TRAPPC9: variants seen among roughly 807,000 people sequenced by gnomAD.
TRAPPC9 encodes IKK2 binding protein.
Under a neutral mutation model 124.0 loss-of-function variants are expected in TRAPPC9, and 83 were observed. That is an observed-to-expected ratio of 0.67 (90% CI 0.56 to 0.80). The LOEUF is 0.80. TRAPPC9 is among the 30% of genes least tolerant of loss of function. TRAPPC9 has a pLI of 0.00. For missense variants in TRAPPC9, 1,302 were observed against 1,508.3 expected (o/e 0.86, Z 2.27); for synonymous variants, 638 against 617.5 (o/e 1.03, Z -0.49).
intron 1 of TRAPPC9, among the ~76,000 whole-genome samples, chr8:140,455,129 G>A (rs886654450): frequency 6.6e-6 from 1 of 152,094 alleles, no homozygotes; most frequent in Non-Finnish European, 1.5e-5. Context: ...AATGTACATA[G>A]CAGTATTATT....
Position 139,731,342 on chromosome 8 carries a change from G to A in TRAPPC9, c.3280-114C>T, listed in dbSNP as rs931568780. 2.3e-5 allele frequency: 29 copies of A among 1,284,180 alleles called. 1 individual carries two copies. Among genetic ancestry groups the A allele is most frequent in the East Asian group, 1.8e-4 (7 of 39,926 alleles). The allele number at this position is 1,284,180 out of a possible 1,614,324, so 79.5% of individuals were successfully genotyped here. On this transcript the variant is annotated intron_variant, in intron 22 of 22. Coordinates refer to ENST00000438773, the MANE Select transcript of TRAPPC9 (RefSeq NM_001160372.4). Reference sequence around the variant, plus strand: ...AGGTGTTATGGGGGAAGCGAGGGCCGCCCAGGCCTGGCTCCAGTGCCCCCT... The same window carrying A: ...AGGTGTTATGGGGGAAGCGAGGGCCACCCAGGCCTGGCTCCAGTGCCCCCT...
intron 17 of TRAPPC9, among the ~76,000 whole-genome samples, chr8:140,178,345 T>C (rs2062117895): frequency 6.6e-6 from 1 of 152,170 alleles, no homozygotes; most frequent in Non-Finnish European, 1.5e-5. Context: ...ATTATACATC[T>C]ATTGCTATGA....
At chr8:139,905,495 G>C (rs1831298117) in intron 20 of TRAPPC9, among the ~76,000 whole-genome samples, 1 of 152,232 alleles carries the variant, frequency 6.6e-6, no homozygotes, top group Non-Finnish European at 1.5e-5. Flanking sequence ...CTCGCCCCGT[G>C]CAGCTCCGGG....
rs776155126 is a variant in TRAPPC9, at chr8:140,033,658, G to GTTTTTTTTTTT, written c.2557-9590_2557-9580dup. Among the ~76,000 whole-genome samples the GTTTTTTTTTTT allele has an allele frequency of 9.0e-4, 38 of 42,384 alleles. 8 individuals carry two copies. The highest frequency in any genetic ancestry group is 1.8e-3 in the Non-Finnish European group (32 of 18,106). The allele number at this position is 42,384 out of a possible 152,430, so 27.8% of individuals were successfully genotyped here. On this transcript the variant is annotated intron_variant, in intron 17 of 22. Coordinates refer to ENST00000438773, the MANE Select transcript of TRAPPC9 (RefSeq NM_001160372.4). ...TTGAAATGCAACTCTTCATAATGTGGTTTTTTTTTTTTTTTTTTTTTTTTT... is the reference window on the plus strand; with the variant it reads ...TTGAAATGCAACTCTTCATAATGTGGTTTTTTTTTTTTTTTTTTTTTTTTTTTTTTTTTTTT...
chr8:139,830,423 A>G (rs1394410655), intron 21 of TRAPPC9, among the ~76,000 whole-genome samples: 1 of 152,174 alleles, frequency 6.6e-6, no homozygotes, highest in East Asian at 1.9e-4. Context: ...GCAAATGAGC[A>G]TATGCACGCA....
At chr8:140,375,958 C>A (rs558444171) in intron 7 of TRAPPC9, among the ~76,000 whole-genome samples, 26 of 152,292 alleles carry the variant, frequency 1.7e-4, no homozygotes, top group African/African-American at 5.8e-4. Flanking sequence ...CTCTCTCCGG[C>A]TATTTCCAGC....
At chr8:140,413,422 T>C (rs1396120596) in intron 5 of TRAPPC9, among the ~76,000 whole-genome samples, 1 of 151,370 alleles carries the variant, frequency 6.6e-6, no homozygotes, top group Non-Finnish European at 1.5e-5. Context: ...ATAGTCATCA[T>C]CTGGACACCA....
At chr8:140,127,580 G>A (rs2061121743) in intron 17 of TRAPPC9, among the ~76,000 whole-genome samples, 1 of 152,070 alleles carries the variant, frequency 6.6e-6, no homozygotes, top group African/African-American at 2.4e-5. Flanking sequence ...AGTATCTCTT[G>A]GCCTCCTTGA....
chr8:139,980,846 G>A (rs966245498), intron 19 of TRAPPC9, among the ~76,000 whole-genome samples: 3 of 152,136 alleles, frequency 2.0e-5, no homozygotes, highest in Admixed American at 6.5e-5. Context: ...CCTTCCACGC[G>A]CTAGGAAAGG....
intron 19 of TRAPPC9, among the ~76,000 whole-genome samples, chr8:139,915,434 A>G (rs1832062083): frequency 6.6e-6 from 1 of 152,090 alleles, no homozygotes; most frequent in African/African-American, 2.4e-5. Flanking sequence ...TTTAGTAGAG[A>G]TGGGGTTTCA....
intron 19 of TRAPPC9, among the ~76,000 whole-genome samples, chr8:139,946,639 C>A (rs1026385983): frequency 1.3e-5 from 2 of 150,364 alleles, no homozygotes; most frequent in African/African-American, 4.9e-5. Context: ...AAAGAAGAGG[C>A]AGGTGAAGAG....
chr8:139,869,677 C>A (rs1828770243), intron 21 of TRAPPC9, among the ~76,000 whole-genome samples: 1 of 151,912 alleles, frequency 6.6e-6, no homozygotes, highest in African/African-American at 2.4e-5. Flanking sequence ...AATCTTAGCA[C>A]AAAGAAAACT....
At chr8:140,055,640 TG>T (rs149824728) in intron 17 of TRAPPC9, among the ~76,000 whole-genome samples, 101 of 152,324 alleles carry the variant, frequency 6.6e-4, no homozygotes, top group African/African-American at 2.3e-3. Context: ...CTATCAGAAC[TG>T]CTAAACAAAT....
intron 1 of TRAPPC9, among the ~76,000 whole-genome samples, chr8:140,456,599 C>T (rs1312681859): frequency 1.3e-5 from 2 of 151,968 alleles, no homozygotes; most frequent in Non-Finnish European, 2.9e-5. Flanking sequence ...ATTAAAAAAA[C>T]GAACAAACAC....
intron 17 of TRAPPC9, among the ~76,000 whole-genome samples, chr8:140,126,001 T>C (rs1003408936): frequency 6.6e-6 from 1 of 152,062 alleles, no homozygotes; most frequent in Non-Finnish European, 1.5e-5. Context: ...CTCGATCTCT[T>C]GACTTTGTGA....
At chr8:139,879,582 C>T (rs1048760428) in intron 21 of TRAPPC9, among the ~76,000 whole-genome samples, 1 of 152,204 alleles carries the variant, frequency 6.6e-6, no homozygotes, top group Non-Finnish European at 1.5e-5. Flanking sequence ...GAGCCATCTC[C>T]CCTCCTCCCA....
intron 9 of TRAPPC9, 60 bp downstream of exon 9, chr8:140,359,989 AT>A: frequency 6.2e-7 from 1 of 1,611,596 alleles, no homozygotes; most frequent in Non-Finnish European, 8.5e-7. Flanking sequence ...ATGAACCAGC[AT>A]CTAAAGTGCT....
Position 140,300,486 on chromosome 8 carries a change from T to C in TRAPPC9, c.1751A>G (p.Glu584Gly), listed in dbSNP as rs2065944090. The change falls in exon 11 of 23, where the codon GAG (glutamate) becomes GGG (glycine). Residue 584 changes from glutamate to glycine, a missense_variant. Around this residue, in one of 3 missense-constraint regions of TRAPPC9, gnomAD observed 657 missense variants for 811.2 expected, o/e 0.81. Transcript: ENST00000438773. ...SPIIAHNRGEERNKKIDFQWV... is the reference protein window; with the variant it reads ...SPIIAHNRGEGRNKKIDFQWV... ...CGTCCTACCTATTTTCTTGTTCCGCTCTTCTCCACGGTTGTGTGCGATAAT... is the reference window on the plus strand; with the variant it reads ...CGTCCTACCTATTTTCTTGTTCCGCCCTTCTCCACGGTTGTGTGCGATAAT... The C allele has an allele frequency of 6.2e-7, 1 of 1,614,216 alleles. No individual in the cohort carries two copies. Among genetic ancestry groups the C allele is most frequent in the Non-Finnish European group, 8.5e-7 (1 of 1,180,034 alleles).
chr8:140,006,348 C>T (rs920122949), intron 18 of TRAPPC9, among the ~76,000 whole-genome samples: 4 of 152,082 alleles, frequency 2.6e-5, no homozygotes, highest in Non-Finnish European at 5.9e-5. Context: ...AAGATAGATA[C>T]AATAACAAAT....
Sources: gnomAD v4.1 joint callset for allele counts (sites outside exome capture counted in the v4.1 genomes callset) on GRCh38, gnomAD v4.1.1 for gene constraint, gnomAD v4.1.1 regional missense constraint, MANE v1.5 for transcripts, NCBI Gene and HGNC (gene_info 2026-07-23, HGNC 2026-07-21) for gene names.